MAP1B: variants seen among roughly 807,000 people sequenced by gnomAD.
MAP1B encodes the protein microtubule associated protein 1B, also known as microtubule-associated protein 1B.
A neutral mutation model predicts 176.1 loss-of-function variants in MAP1B; 12 were observed. The observed-to-expected ratio is 0.07, with a 90% CI of 0.04 to 0.11. The LOEUF is 0.11. Among genes scored for constraint, MAP1B ranks in the 10% least tolerant of loss-of-function variants. MAP1B has a pLI of 1.00. For missense variants in MAP1B, 2,523 were observed against 2,990.5 expected (o/e 0.84, Z 3.65); for synonymous variants, 1,044 against 1,135.0 (o/e 0.92, Z 1.61).
At chr5:72,172,904 G>A (rs775426596) in intron 2 of MAP1B, among the ~76,000 whole-genome samples, 6 of 152,190 alleles carry the variant, frequency 3.9e-5, no homozygotes, top group Non-Finnish European at 5.9e-5. Flanking sequence ...ATCCTACAGG[G>A]ACCTCAAACT....
chr5:72,110,472 C>T (rs1208579539), intron 1 of MAP1B, among the ~76,000 whole-genome samples: 3 of 152,210 alleles, frequency 2.0e-5, no homozygotes, highest in African/African-American at 4.8e-5. Flanking sequence ...GCTCCCATAG[C>T]TTTTCAGACA....
intron 2 of MAP1B, among the ~76,000 whole-genome samples, chr5:72,178,632 C>T (rs911412410): frequency 2.0e-5 from 3 of 152,118 alleles, no homozygotes; most frequent in African/African-American, 7.2e-5. Flanking sequence ...CTCATCATCT[C>T]CCTTTCATAC....
chr5:72,116,831 G>A (rs1745445438), intron 2 of MAP1B, among the ~76,000 whole-genome samples: 1 of 152,102 alleles, frequency 6.6e-6, no homozygotes, highest in African/African-American at 2.4e-5. Flanking sequence ...TCAGGAATGA[G>A]ATTCAGCCTA....
chr5:72,131,204 A>G (rs540003636), intron 2 of MAP1B, among the ~76,000 whole-genome samples: 1 of 152,324 alleles, frequency 6.6e-6, no homozygotes, highest in South Asian at 2.1e-4. Context: ...CTAAATATGT[A>G]AAAGGAGAAA....
chr5:72,196,333 T>C lies in MAP1B; in HGVS notation c.2978T>C (p.Val993Ala). The C allele has an allele frequency of 6.2e-7, 1 of 1,613,936 alleles. No individual in the cohort carries two copies. Among genetic ancestry groups the C allele is most frequent in the Non-Finnish European group, 8.5e-7 (1 of 1,179,982 alleles). Reference sequence around the variant, plus strand: ...TACATCAGGGAGAAGAGGGAGTCTGTGGCCAGTGGGGATGACCGAGCCGAA... The same window carrying C: ...TACATCAGGGAGAAGAGGGAGTCTGCGGCCAGTGGGGATGACCGAGCCGAA... ...DAYIREKRES[V>A]ASGDDRAEED... The change falls in exon 5 of 7, where the codon GTG becomes GCG. Residue 993 changes from valine to alanine, a missense_variant. Transcript: ENST00000296755. The surrounding 1 kb of genome is among the most constrained non-coding windows in gnomAD (Gnocchi z 5.3).
intron 2 of MAP1B, among the ~76,000 whole-genome samples, chr5:72,167,869 C>T (rs980114957): frequency 3.9e-5 from 6 of 152,160 alleles, no homozygotes; most frequent in African/African-American, 9.6e-5. Context: ...TTAGATGTGA[C>T]GGAAGGAAAT....
chr5:72,184,174 C>T (rs1015333102), intron 3 of MAP1B, among the ~76,000 whole-genome samples: 3 of 152,244 alleles, frequency 2.0e-5, no homozygotes, highest in East Asian at 1.9e-4. Flanking sequence ...GCCCTCAGGC[C>T]GCGACATACA....
chr5:72,129,725 T>C (rs1399163087), intron 2 of MAP1B, among the ~76,000 whole-genome samples: 3 of 152,176 alleles, frequency 2.0e-5, no homozygotes, highest in African/African-American at 2.4e-5. Flanking sequence ...CTTTTTCTTA[T>C]TGTGTCCTCC....
At position 72,198,947 on chromosome 5, in the gene MAP1B, A is replaced by G. The variant is rs1412183169; in HGVS notation, c.5592A>G (p.Thr1864=). Residue 1864 remains threonine, a synonymous_variant, in exon 5 of 7, where the codon ACA becomes ACG. Coordinates refer to ENST00000296755, the MANE Select transcript of MAP1B (RefSeq NM_005909.5). ...PGLEKDSGGK[T]PGDFSYAYQK... is the part of the protein sequence containing the mutation. ...TGGAGAAGGACAGTGGAGGGAAGAC[A>G]CCTGGTGACTTTAGCTATGCCTATC... 6.2e-7 allele frequency: 1 copy of G among 1,614,190 alleles called. No homozygotes were observed. The highest frequency in any genetic ancestry group is 8.5e-7 in the Non-Finnish European group (1 of 1,180,026).
intron 5 of MAP1B, among the ~76,000 whole-genome samples, chr5:72,203,103 T>C (rs1747365960): frequency 1.3e-5 from 2 of 152,214 alleles, no homozygotes; most frequent in African/African-American, 4.8e-5. Flanking sequence ...AAAATTGCTA[T>C]CAATGAGACC....
intron 4 of MAP1B, among the ~76,000 whole-genome samples, chr5:72,187,834 C>T (rs1417590837): frequency 6.6e-6 from 1 of 152,208 alleles, no homozygotes; most frequent in Non-Finnish European, 1.5e-5. Context: ...ATAATGTTCA[C>T]TCTCCAGCCA....
At chr5:72,184,303 A>G (rs928072412) in intron 3 of MAP1B, among the ~76,000 whole-genome samples, 2 of 152,180 alleles carry the variant, frequency 1.3e-5, no homozygotes, top group African/African-American at 4.8e-5. Flanking sequence ...GGTCAGGAGC[A>G]TGGGCTGGCA....
Position 72,189,556 on chromosome 5 carries a change from G to A in MAP1B, c.510+2802G>A, listed in dbSNP as rs186268293. Among the ~76,000 whole-genome samples, 51 of 152,290 alleles carry A rather than the reference G, an allele frequency of 3.3e-4. No individual in the cohort carries two copies. The East Asian group carries it at 9.1e-3, about 27-fold the overall frequency. ...CAAGAAAGGGAGGTGAAGGCCAGGT[G>A]CTATGGCCCATGCCTGTAATCCCAG... On this transcript the variant is annotated intron_variant, in intron 4 of 6. Transcript: ENST00000296755.
chr5:72,154,941 G>A (rs1290019727), intron 2 of MAP1B, among the ~76,000 whole-genome samples: 2 of 152,160 alleles, frequency 1.3e-5, no homozygotes, highest in East Asian at 3.8e-4. Context: ...ATTATTGAAT[G>A]TCATTAGGGT....
chr5:72,194,063 A>G lies in MAP1B; in HGVS notation c.708A>G (p.Ser236=). The G allele has an allele frequency of 5.0e-6, 8 of 1,614,238 alleles. No homozygotes were observed. The highest frequency in any genetic ancestry group is 6.8e-6 in the Non-Finnish European group (8 of 1,180,046). Residue 236 remains serine, a synonymous_variant, in exon 5 of 7, where the codon TCA becomes TCG. Coordinates refer to ENST00000296755, the MANE Select transcript of MAP1B (RefSeq NM_005909.5). This position sits in a 1 kb window ranked among gnomAD's most constrained non-coding sequence, Gnocchi z 7.2. The part of the protein sequence containing the change: ...LSEFTEYLSE[S]VEVPSPFDIL... ...AGTTTACCGAGTATCTCTCAGAATCAGTGGAAGTCCCATCTCCCTTTGACA... is the reference window on the plus strand; with the variant it reads ...AGTTTACCGAGTATCTCTCAGAATCGGTGGAAGTCCCATCTCCCTTTGACA...
intron 2 of MAP1B, among the ~76,000 whole-genome samples, chr5:72,127,408 A>G (rs1745649731): frequency 1.3e-5 from 2 of 152,200 alleles, no homozygotes; most frequent in South Asian, 4.1e-4. Context: ...ATATCTTTGA[A>G]TGGCTGTTGA....
At chr5:72,185,767 A>G (rs947958854) in intron 3 of MAP1B, among the ~76,000 whole-genome samples, 2 of 152,176 alleles carry the variant, frequency 1.3e-5, no homozygotes, top group African/African-American at 4.8e-5. Context: ...TGTTTTTTGC[A>G]TGATTACACT....
chr5:72,203,660 G>C lies in MAP1B; in HGVS notation c.7110G>C (p.Lys2370Asn), dbSNP rs1207371839. 6.2e-7 allele frequency: 1 copy of C among 1,614,190 alleles called. No homozygotes were observed. ...ACATTCCTAACCACAGCAATAGTAA[G>C]AATGTTGATGTGGAATTTTTCAAGA... ...LCYIPNHSNSKNVDVEFFKRV... is the reference protein window; with the variant it reads ...LCYIPNHSNSNNVDVEFFKRV... Residue 2370 changes from lysine to asparagine, a missense_variant, in exon 6 of 7, where the codon AAG becomes AAC. Physicochemically the swap from Lys to Asn is moderately conservative, Grantham distance 94. Coordinates refer to ENST00000296755, the MANE Select transcript of MAP1B (RefSeq NM_005909.5).
chr5:72,149,229 G>A (rs572514791), intron 2 of MAP1B, among the ~76,000 whole-genome samples: 1 of 152,236 alleles, frequency 6.6e-6, no homozygotes, highest in Non-Finnish European at 1.5e-5. Flanking sequence ...TGGTGCAAAA[G>A]TAATTGCCGT....
Sources: allele counts gnomAD v4.1 joint callset (sites outside exome capture counted in the v4.1 genomes callset), GRCh38; gene constraint gnomAD v4.1.1; non-coding constraint Gnocchi (gnomAD v3.1); transcripts MANE v1.5; gene names NCBI Gene and HGNC (gene_info 2026-07-23, HGNC 2026-07-21).